Variants in DTD1 observed in about 807,000 individuals in gnomAD.
The protein encoded by DTD1 is D-tyrosyl-tRNA deacylase 1 homolog.
DTD1 carries 13 observed loss-of-function variants against 25.6 expected under a neutral mutation model. The observed-to-expected ratio is 0.51, with a 90% CI of 0.33 to 0.81. The LOEUF (loss-of-function observed/expected upper bound fraction) is 0.81. Among genes scored for constraint, DTD1 ranks in the 30% least tolerant of loss-of-function variants. The probability of loss-of-function intolerance (pLI) is 0.02; values close to 1 mark genes in which losing one functional copy is unlikely to be tolerated. For synonymous variants in DTD1, 110 were observed against 103.6 expected (o/e 1.06, Z -0.37); for missense variants, 193 against 266.4 (o/e 0.72, Z 1.92).
At chr20:18,761,211 G>A (rs560745854) in intron 5 of DTD1, among the ~76,000 whole-genome samples, 5 of 152,204 alleles carry the variant, frequency 3.3e-5, no homozygotes, top group Non-Finnish European at 7.4e-5. Flanking sequence ...GCCCTGCTCG[G>A]TGTGCTGCAG....
chr20:18,615,874 A>G (rs1311335473), intron 3 of DTD1, among the ~76,000 whole-genome samples: 1 of 152,222 alleles, frequency 6.6e-6, no homozygotes, highest in Non-Finnish European at 1.5e-5. Context: ...CTCCCGCTTC[A>G]TAATGCAAAG....
chr20:18,676,344 A>G (rs1364094114), intron 4 of DTD1, among the ~76,000 whole-genome samples: 1 of 152,074 alleles, frequency 6.6e-6, no homozygotes, highest in Non-Finnish European at 1.5e-5. Flanking sequence ...TTGGTAGAAT[A>G]AAAAAAATGA....
intron 4 of DTD1, among the ~76,000 whole-genome samples, chr20:18,728,348 G>A (rs572782080): frequency 3.9e-5 from 6 of 152,302 alleles, no homozygotes; most frequent in African/African-American, 1.2e-4. Flanking sequence ...AAAGCCACTC[G>A]AACTCTGATT....
chr20:18,649,551 A>G (rs1274546852), intron 4 of DTD1, among the ~76,000 whole-genome samples: 1 of 151,594 alleles, frequency 6.6e-6, no homozygotes, highest in Non-Finnish European at 1.5e-5. Context: ...GTTAGCCAGG[A>G]TGGTCTCAAT....
intron 3 of DTD1, 148 bp downstream of exon 3, chr20:18,596,389 T>C (rs1427597359): frequency 3.0e-6 from 2 of 661,616 alleles, no homozygotes; most frequent in Non-Finnish European, 5.1e-6. Flanking sequence ...GCTGCTGCTA[T>C]TGCTGCTGTT....
In DTD1 at chr20:18,748,908, C is replaced by T. The variant is rs1047467688; in HGVS notation, c.*19+4637C>T. ...GAGGCAGCAGGGGGAGCAGACCCCA[C>T]GGGAAGTGTTTGGAAAGGAGGAGGC... On this transcript the variant is annotated intron_variant, in intron 5 of 5. Transcript: ENST00000377452. 2.7e-5 allele frequency among the ~76,000 whole-genome samples: 4 copies of T among 147,938 alleles called. 1 individual carries two copies. The highest frequency in any genetic ancestry group is 1.3e-4 in the Admixed American group (2 of 14,992).
chr20:18,757,665 T>C (rs1413144759), intron 5 of DTD1, among the ~76,000 whole-genome samples: 1 of 152,198 alleles, frequency 6.6e-6, no homozygotes, highest in Non-Finnish European at 1.5e-5. Context: ...CTGCTGGATT[T>C]GGTTTGCCAG....
intron 3 of DTD1, chr20:18,619,963 T>C (rs2060726683): frequency 6.6e-6 from 1 of 152,114 alleles, no homozygotes. Flanking sequence ...TTATTTATTA[T>C]TTTTAGTTTT....
chr20:18,590,806 A>G (rs1006926643), intron 1 of DTD1, among the ~76,000 whole-genome samples: 3 of 152,220 alleles, frequency 2.0e-5, no homozygotes, highest in African/African-American at 7.2e-5. Context: ...TAGGTTGGGT[A>G]CTGTGATAAT....
At chr20:18,640,235 G>A (rs1435622656) in intron 4 of DTD1, among the ~76,000 whole-genome samples, 1 of 151,870 alleles carries the variant, frequency 6.6e-6, no homozygotes, top group East Asian at 1.9e-4. Context: ...GTATTCCTGG[G>A]TAGAAAGGTA....
intron 4 of DTD1, among the ~76,000 whole-genome samples, chr20:18,685,858 C>G (rs2061014609): frequency 6.6e-6 from 1 of 152,172 alleles, no homozygotes; most frequent in Non-Finnish European, 1.5e-5. Context: ...AGATAAGTTC[C>G]CCTCTTCCTT....
chr20:18,682,395 C>T (rs2061001420), intron 4 of DTD1, among the ~76,000 whole-genome samples: 1 of 152,194 alleles, frequency 6.6e-6, no homozygotes, highest in African/African-American at 2.4e-5. Flanking sequence ...CCCAGATGGG[C>T]ACAGTATCTA....
At chr20:18,628,359 G>A in intron 4 of DTD1, 126 bp downstream of exon 4, 2 of 737,676 alleles carry the variant, frequency 2.7e-6, no homozygotes, top group Non-Finnish European at 4.5e-6. Flanking sequence ...TTTAATACCT[G>A]CCTTCCCAAG....
At chr20:18,744,021 TG>T in intron 4 of DTD1, 78 bp from the exon 5 acceptor site, 1 of 1,468,778 alleles carries the variant, frequency 6.8e-7, no homozygotes, top group Non-Finnish European at 9.1e-7. Context: ...GGTTCCCACC[TG>T]GGAAGTCACT....
At chr20:18,747,260 G>C (rs990240099) in intron 5 of DTD1, among the ~76,000 whole-genome samples, 1 of 152,132 alleles carries the variant, frequency 6.6e-6, no homozygotes, top group Non-Finnish European at 1.5e-5. Flanking sequence ...GCTAACTTTT[G>C]GGTGACAGTG....
intron 4 of DTD1, among the ~76,000 whole-genome samples, chr20:18,697,728 A>G (rs1463669210): frequency 3.3e-5 from 5 of 152,240 alleles, no homozygotes; most frequent in African/African-American, 1.2e-4. Flanking sequence ...TCTTTCGCCC[A>G]GGCCGGAGTG....
At chr20:18,634,063 C>G (rs937989280) in intron 4 of DTD1, among the ~76,000 whole-genome samples, 24 of 152,188 alleles carry the variant, frequency 1.6e-4, no homozygotes, top group African/African-American at 5.8e-4. Flanking sequence ...GCTGTTTTGC[C>G]TGGTGCATTT....
chr20:18,617,500 AT>A (rs1314539537), intron 3 of DTD1, among the ~76,000 whole-genome samples: 1 of 151,804 alleles, frequency 6.6e-6, no homozygotes, highest in African/African-American at 2.4e-5. Flanking sequence ...TACTGTTTTG[AT>A]TACTGTAACT....
In DTD1 at chr20:18,708,230, TTTTA is replaced by T. The variant is rs1568676638; in HGVS notation, c.478-35868_478-35865del. ...ATTTTATATATATAATATATATATA[TTTTA>T]TATATATATAATATATATTATATAT... On this transcript the variant is annotated intron_variant, in intron 4 of 5. Transcript: ENST00000377452. Among the ~76,000 whole-genome samples the T allele has an allele frequency of 4.5e-3, 19 of 4,180 alleles. 1 individual carries two copies. The East Asian group carries it at 0.054, about 12-fold the overall frequency. 2.7% of individuals were successfully genotyped at this position (4,180 alleles called of 152,430 possible).
Sources: gnomAD v4.1 joint callset for allele counts (sites outside exome capture counted in the v4.1 genomes callset) on GRCh38, gnomAD v4.1.1 for gene constraint, MANE v1.5 for transcripts, NCBI Gene and HGNC (gene_info 2026-07-23, HGNC 2026-07-21) for gene names.